RPTOR: variants seen among roughly 807,000 people sequenced by gnomAD.
RPTOR encodes the protein regulatory associated protein of MTOR complex 1.
RPTOR carries 21 observed loss-of-function variants against 169.9 expected under a neutral mutation model. The ratio of observed to expected loss-of-function variants is 0.12; its 90% CI spans 0.09 to 0.18. RPTOR has a LOEUF of 0.18. Ranked by LOEUF, RPTOR falls within the 10% of genes least tolerant of loss-of-function variation. The probability of loss-of-function intolerance (pLI) is 1.00; values close to 1 mark genes in which losing one functional copy is unlikely to be tolerated. For synonymous variants in RPTOR, 732 were observed against 753.2 expected, an observed-to-expected ratio of 0.97 and a Z score of 0.46; for missense variants, 1,133 against 1,855.9, an observed-to-expected ratio of 0.61 and a Z score of 7.16.
rs1398377231 is a variant in RPTOR at position 80,883,800 on chromosome 17, A to G, written c.1670A>G (p.Asn557Ser). The stretch of plus-strand genomic sequence containing the variant: ...CTGCAGGAAGCCTGCCTTCAGGGAA[A>G]CCTCATTGCCATCTGCCTGGAGCAG... Reference protein sequence around the residue: ...HTGQEACLQGNLIAICLEQLN... With the variant: ...HTGQEACLQGSLIAICLEQLN... Residue 557 changes from asparagine (N) to serine (S), a missense_variant, in exon 16 of 34, where the codon AAC (asparagine) becomes AGC (serine). Asn to Ser is a conservative substitution (Grantham distance 46). Coordinates refer to ENST00000306801, the MANE Select transcript of RPTOR (RefSeq NM_020761.3). The G allele has an allele frequency of 6.2e-7, 1 of 1,613,532 alleles. No homozygotes were observed. The highest frequency in any genetic ancestry group is 1.6e-4 in the Middle Eastern group (1 of 6,062).
chr17:80,698,488 A>T (rs1395754849), intron 3 of RPTOR, among the ~76,000 whole-genome samples: 1 of 152,212 alleles, frequency 6.6e-6, no homozygotes, highest in African/African-American at 2.4e-5. Context: ...CCAGCCATTG[A>T]TCCACATTGT....
chr17:80,569,449 C>G (rs1030137203), intron 1 of RPTOR, among the ~76,000 whole-genome samples: 2 of 151,802 alleles, frequency 1.3e-5, no homozygotes, highest in Non-Finnish European at 2.9e-5. Context: ...CGCTTGAACC[C>G]GGGAGGTGGA....
intron 1 of RPTOR, among the ~76,000 whole-genome samples, chr17:80,549,367 A>G (rs1222919043): frequency 2.6e-5 from 4 of 152,110 alleles, no homozygotes; most frequent in South Asian, 2.1e-4. Flanking sequence ...TATCTCCCCT[A>G]TTTGTGTTTT....
intron 2 of RPTOR, among the ~76,000 whole-genome samples, chr17:80,641,541 C>A (rs2065554204): frequency 6.6e-6 from 1 of 152,114 alleles, no homozygotes; most frequent in African/African-American, 2.4e-5. Flanking sequence ...ATACAGGTGG[C>A]TCTTGGAGAT....
Position 80,717,255 on chromosome 17 carries a change from G to A in RPTOR, c.507+9256G>A, listed in dbSNP as rs910303047. Among the ~76,000 whole-genome samples the A allele has an allele frequency of 2.6e-5, 4 of 152,004 alleles. 1 individual carries two copies. The East Asian group carries it at 7.7e-4, about 29-fold the overall frequency. On this transcript the variant is annotated intron_variant, in intron 4 of 33. Coordinates refer to ENST00000306801, the MANE Select transcript of RPTOR (RefSeq NM_020761.3). The stretch of plus-strand genomic sequence containing the variant: ...TGTTTTTCTCCACAGCTTTTTCCCA[G>A]TCTTATGTATATTGTCTCTATGTCA...
intron 5 of RPTOR, among the ~76,000 whole-genome samples, chr17:80,745,890 G>T (rs12601596): frequency 4.4e-4 from 67 of 152,048 alleles, no homozygotes; most frequent in African/African-American, 1.5e-3. Flanking sequence ...GGCCGGGCGC[G>T]GTGGCTCACG....
At chr17:80,846,103 C>A (rs1412301698) in intron 10 of RPTOR, among the ~76,000 whole-genome samples, 1 of 152,282 alleles carries the variant, frequency 6.6e-6, no homozygotes, top group Non-Finnish European at 1.5e-5. Context: ...TGCTGATCCA[C>A]ACACTCACGG....
chr17:80,774,013 A>G, intron 6 of RPTOR: 1 of 985,476 alleles, frequency 1.0e-6, no homozygotes, highest in East Asian at 1.1e-4. Context: ...AGGCTGAGTC[A>G]GGCTTTAATG....
At chr17:80,734,343 C>T (rs2066417528) in intron 5 of RPTOR, among the ~76,000 whole-genome samples, 1 of 152,194 alleles carries the variant, frequency 6.6e-6, no homozygotes, top group South Asian at 2.1e-4. Context: ...GCTGGCTCCC[C>T]TTTGTAATTC....
chr17:80,947,712 C>T lies in RPTOR; in HGVS notation c.3265+361C>T, dbSNP rs764835165. ...GGGAAGGATGCCCCAAGCCACAACA[C>T]GTGCCAGGTCCTCCCCGGCCAGGGT... On this transcript the variant is annotated intron_variant, in intron 27 of 33. Coordinates refer to ENST00000306801, the MANE Select transcript of RPTOR (RefSeq NM_020761.3). This position sits in a 1 kb window ranked among gnomAD's most constrained non-coding sequence, Gnocchi z 4.4. Among the ~76,000 whole-genome samples, 11 of 152,270 alleles carry T rather than the reference C, an allele frequency of 7.2e-5. No individual in the cohort carries two copies. Among genetic ancestry groups the T allele is most frequent in the East Asian group, 1.9e-4 (1 of 5,164 alleles).
intron 3 of RPTOR, among the ~76,000 whole-genome samples, chr17:80,692,919 T>C (rs1232186187): frequency 6.6e-6 from 1 of 152,246 alleles, no homozygotes; most frequent in Non-Finnish European, 1.5e-5. Context: ...AGGTCACCAC[T>C]GAAATGTTTT....
chr17:80,720,244 C>T (rs2066273800), intron 4 of RPTOR, among the ~76,000 whole-genome samples: 1 of 151,918 alleles, frequency 6.6e-6, no homozygotes, highest in African/African-American at 2.4e-5. Flanking sequence ...TTGCAGTGAG[C>T]CGAGACCGTG....
chr17:80,786,319 T>C (rs2066990875), intron 6 of RPTOR, among the ~76,000 whole-genome samples: 1 of 152,310 alleles, frequency 6.6e-6, no homozygotes, highest in Non-Finnish European at 1.5e-5. Flanking sequence ...TTTTTTATGG[T>C]AAATACATGT....
intron 20 of RPTOR, among the ~76,000 whole-genome samples, chr17:80,903,034 G>A (rs8075013): frequency 6.6e-6 from 1 of 152,234 alleles, no homozygotes; most frequent in Non-Finnish European, 1.5e-5. Flanking sequence ...CAGTTTTCAC[G>A]ACTCTGCTAG....
chr17:80,959,055 A>G lies in RPTOR; in HGVS notation c.3478-1023A>G, dbSNP rs1368630595. The stretch of plus-strand genomic sequence containing the variant: ...GTAGAGGGCGGTGTGGAGCAGGCCC[A>G]GCAGAGGGGAGGCCTGGGCACCCTC... On this transcript the variant is annotated intron_variant, in intron 29 of 33. Transcript: ENST00000306801. The surrounding 1 kb of genome is among the most constrained non-coding windows in gnomAD (Gnocchi z 6.7). Among the ~76,000 whole-genome samples the G allele has an allele frequency of 6.6e-6, 1 of 152,232 alleles. No individual in the cohort carries two copies. Among genetic ancestry groups the G allele is most frequent in the East Asian group, 1.9e-4 (1 of 5,186 alleles).
intron 24 of RPTOR, among the ~76,000 whole-genome samples, chr17:80,930,369 G>C (rs1385235069): frequency 2.3e-4 from 8 of 34,298 alleles, no homozygotes; most frequent in African/African-American, 4.3e-4. Context: ...CTCATCCTCA[G>C]CTCATCCCCA....
At chr17:80,904,479 G>A (rs1260429669) in intron 20 of RPTOR, among the ~76,000 whole-genome samples, 3 of 152,238 alleles carry the variant, frequency 2.0e-5, no homozygotes, top group East Asian at 1.9e-4. Flanking sequence ...AAATTTCCCC[G>A]CCGTGTATGC....
intron 3 of RPTOR, among the ~76,000 whole-genome samples, chr17:80,681,496 G>C (rs899159393): frequency 2.6e-5 from 4 of 152,186 alleles, no homozygotes; most frequent in African/African-American, 9.7e-5. Context: ...AGTGCTGCGG[G>C]GAGTGTAGGG....
rs1408904709 is a variant in RPTOR at position 80,651,432 on chromosome 17, A to C, written c.348+7622A>C. Among the ~76,000 whole-genome samples, 1 of 152,318 alleles carries C rather than the reference A, an allele frequency of 6.6e-6. No individual in the cohort carries two copies. Among genetic ancestry groups the C allele is most frequent in the East Asian group, 1.9e-4 (1 of 5,176 alleles). On this transcript the variant is annotated intron_variant, in intron 3 of 33. Coordinates refer to ENST00000306801, the MANE Select transcript of RPTOR (RefSeq NM_020761.3). The surrounding 1 kb of genome is among the most constrained non-coding windows in gnomAD (Gnocchi z 4.1). Reference sequence around the variant, plus strand: ...TTGATTTCATTTTGCAGGGGAAACCATATGTCACAGTGGTGTTCATGAATT... The same window carrying C: ...TTGATTTCATTTTGCAGGGGAAACCCTATGTCACAGTGGTGTTCATGAATT...
Sources: allele counts gnomAD v4.1 joint callset (sites outside exome capture counted in the v4.1 genomes callset), GRCh38; gene constraint gnomAD v4.1.1; non-coding constraint Gnocchi (gnomAD v3.1); transcripts MANE v1.5; gene names NCBI Gene and HGNC (gene_info 2026-07-23, HGNC 2026-07-21).